The following GPC4 variants were observed in gnomAD, a reference collection of about 807,000 sequenced individuals.
GPC4 encodes glypican 4, also known as glypican-4.
A neutral mutation model predicts 35.0 loss-of-function variants in GPC4; 10 were observed. The observed-to-expected ratio is 0.29, with a 90% CI of 0.18 to 0.48. GPC4 has a LOEUF of 0.48. Among genes scored for constraint, GPC4 ranks in the 20% least tolerant of loss-of-function variants. GPC4 has a pLI of 0.99. For synonymous variants in GPC4, 167 were observed against 170.2 expected (o/e 0.98, Z 0.15); for missense variants, 322 against 451.3 (o/e 0.71, Z 2.60).
chrX:133,377,415 G>A (rs1017566878), intron 1 of GPC4, among the ~76,000 whole-genome samples: 3 of 111,689 alleles, frequency 2.7e-5, no homozygotes, highest in Non-Finnish European at 5.6e-5. Flanking sequence ...CCAAATTATT[G>A]TCCCATTACA....
chrX:133,344,575 T>C (rs1467835923), intron 1 of GPC4, among the ~76,000 whole-genome samples: 3 of 110,855 alleles, frequency 2.7e-5, no homozygotes, highest in Non-Finnish European at 3.8e-5. Flanking sequence ...TCTCAGAAAA[T>C]ACATTTAGAA....
rs2068268204 is a variant in GPC4 at position 133,301,847 on chromosome X, G to T, written c.*1020C>A. On this transcript the variant is annotated 3_prime_UTR_variant, in exon 9 of 9. Coordinates refer to ENST00000370828, the MANE Select transcript of GPC4 (RefSeq NM_001448.3). ...TTCCCTGAGCCCAGGCTGTACCCCA[G>T]TTCTGGCTAGCTCTCAGACAGCTCC... is the stretch of plus-strand genomic sequence containing the variant. 1 of 112,044 alleles carries T rather than the reference G, an allele frequency of 8.9e-6. No individual in the cohort carries two copies. The highest frequency in any genetic ancestry group is 3.2e-5 in the African/African-American group (1 of 30,807). The allele number at this position is 112,044 out of a possible 1,213,427, so 9.2% of individuals were successfully genotyped here. A position where few individuals can be genotyped will look rare whatever the true frequency, so the allele number is the denominator to read the frequency against.
intron 1 of GPC4, among the ~76,000 whole-genome samples, chrX:133,381,639 G>A (rs535152384): frequency 1.8e-5 from 2 of 112,580 alleles, no homozygotes; most frequent in African/African-American, 3.2e-5. Context: ...CATGCCATAT[G>A]TATGGCAATA....
chrX:133,361,777 C>A lies in GPC4; in HGVS notation c.161-22436G>T, dbSNP rs1443997492. The stretch of plus-strand genomic sequence containing the variant: ...GAACACAAAACTGCATAAATTGTAT[C>A]GTTCATTTTCCTGTAAATTAGAGTG... On this transcript the variant is annotated intron_variant, in intron 1 of 8. Coordinates refer to ENST00000370828, the MANE Select transcript of GPC4 (RefSeq NM_001448.3). Among the ~76,000 whole-genome samples the A allele has an allele frequency of 6.3e-5, 7 of 111,615 alleles. 2 individuals carry two copies. In the Admixed American group the frequency reaches 6.7e-4, roughly 11 times the overall value.
chrX:133,393,403 T>A (rs17000447), intron 1 of GPC4, among the ~76,000 whole-genome samples: 1,155 of 110,319 alleles, frequency 0.01, 9 homozygotes, highest in African/African-American at 0.036. Flanking sequence ...TTTCTGGGAA[T>A]GTTGCTGAAC....
chrX:133,357,363 G>A lies in GPC4; in HGVS notation c.161-18022C>T, dbSNP rs1336234777. Among the ~76,000 whole-genome samples the A allele has an allele frequency of 3.0e-5, 3 of 100,786 alleles. No homozygotes were observed. In the East Asian group the frequency reaches 9.6e-4, roughly 32 times the overall value. The allele number at this position is 100,786 out of a possible 115,157, so 87.5% of individuals were successfully genotyped here. A position where few individuals can be genotyped will look rare whatever the true frequency, so the allele number is the denominator to read the frequency against. ...AGCACCACTGCACTCCAGCCTGGGTGACAGAGGAAGACTCTCTCAAAAAAA... is the reference window on the plus strand; with the variant it reads ...AGCACCACTGCACTCCAGCCTGGGTAACAGAGGAAGACTCTCTCAAAAAAA... On this transcript the variant is annotated intron_variant, in intron 1 of 8. Transcript: ENST00000370828.
intron 1 of GPC4, among the ~76,000 whole-genome samples, chrX:133,383,046 T>A (rs2068670617): frequency 8.9e-6 from 1 of 111,830 alleles, no homozygotes; most frequent in African/African-American, 3.2e-5. Flanking sequence ...ACTACTCTCC[T>A]TGGTATTTAT....
intron 3 of GPC4, among the ~76,000 whole-genome samples, chrX:133,314,094 G>T (rs1231816870): frequency 8.9e-6 from 1 of 112,006 alleles, no homozygotes; most frequent in Non-Finnish European, 1.9e-5. Context: ...GATTATTCTG[G>T]AATGCATTTG....
At chrX:133,333,695 T>A (rs2266802) in intron 2 of GPC4, among the ~76,000 whole-genome samples, 47,768 of 111,893 alleles carry the variant, frequency 0.43, 9,336 homozygotes, top group African/African-American at 0.78. Flanking sequence ...ACTGGCATAA[T>A]CTGGAAGAAA....
At chrX:133,378,797 T>C (rs1289844950) in intron 1 of GPC4, among the ~76,000 whole-genome samples, 1 of 111,018 alleles carries the variant, frequency 9.0e-6, no homozygotes, top group Middle Eastern at 4.2e-3. Flanking sequence ...ACACATGTTC[T>C]TTCACCAAGC....
intron 4 of GPC4, among the ~76,000 whole-genome samples, chrX:133,310,868 T>A (rs952988579): frequency 9.0e-6 from 1 of 111,483 alleles, no homozygotes; most frequent in Admixed American, 9.6e-5. Context: ...GGCTCATGCC[T>A]ATAATCCCAG....
intron 1 of GPC4, among the ~76,000 whole-genome samples, chrX:133,411,408 G>A (rs1400043164): frequency 8.9e-6 from 1 of 111,937 alleles, no homozygotes; most frequent in Non-Finnish European, 1.9e-5. Flanking sequence ...TCTTTATGGA[G>A]GGAGGCATAA....
chrX:133,339,164 T>C lies in GPC4; in HGVS notation c.319+19A>G, dbSNP rs201753374. On this transcript the variant is annotated intron_variant, in intron 2 of 8. Transcript: ENST00000370828. ...ACAGACCTAACTGCCGGTTCTTACA[T>C]ATGACTTGAATAACATACCATCAAA... is the stretch of plus-strand genomic sequence containing the variant. 4 of 1,208,941 alleles carry C rather than the reference T, an allele frequency of 3.3e-6. No individual in the cohort carries two copies. The highest frequency in any genetic ancestry group is 2.2e-6 in the Non-Finnish European group (2 of 893,628).
intron 2 of GPC4, among the ~76,000 whole-genome samples, chrX:133,327,621 C>T (rs971195862): frequency 7.4e-5 from 7 of 94,535 alleles, no homozygotes; most frequent in Admixed American, 1.2e-4. Context: ...CCATGACTCA[C>T]ATTCTGTCCA....
At chrX:133,394,278 AT>A (rs1259524373) in intron 1 of GPC4, among the ~76,000 whole-genome samples, 3 of 109,131 alleles carry the variant, frequency 2.7e-5, no homozygotes, top group African/African-American at 3.3e-5. Flanking sequence ...TCAAAAAAAA[AT>A]ATATATATAT....
At position 133,410,576 on chromosome X, in the gene GPC4, T is replaced by C. The variant is rs1168663102; in HGVS notation, c.160+4230A>G. Among the ~76,000 whole-genome samples, 9 of 112,118 alleles carry C rather than the reference T, an allele frequency of 8.0e-5. No homozygotes were observed. The East Asian group carries it at 1.4e-3, about 17-fold the overall frequency. ...CTCAGTGCTAAAACAGTTAATGTCA[T>C]TGGGGAGCCAGAGAGACTCACTTCC... On this transcript the variant is annotated intron_variant, in intron 1 of 8. Coordinates refer to ENST00000370828, the MANE Select transcript of GPC4 (RefSeq NM_001448.3).
intron 1 of GPC4, among the ~76,000 whole-genome samples, chrX:133,350,153 A>G (rs2068510835): frequency 9.0e-6 from 1 of 111,216 alleles, no homozygotes; most frequent in Admixed American, 9.6e-5. Context: ...TCTCCAAAAG[A>G]TATTTCTCCA....
At chrX:133,411,538 T>C (rs1406188802) in intron 1 of GPC4, among the ~76,000 whole-genome samples, 1 of 111,653 alleles carries the variant, frequency 9.0e-6, no homozygotes, top group African/African-American at 3.3e-5. Flanking sequence ...CTCTTTGAAA[T>C]GCCTGGGCAC....
rs778547920 is a variant in GPC4, at chrX:133,311,279, A to C, written c.856T>G (p.Phe286Val). 9 of 1,209,956 alleles carry C rather than the reference A, an allele frequency of 7.4e-6. No homozygotes were observed. In the African/African-American group the frequency reaches 1.4e-4, roughly 19 times the overall value. Residue 286 changes from phenylalanine (F) to valine (V), a missense_variant, in exon 4 of 9, where the codon TTT becomes GTT. Transcript: ENST00000370828. ...TCACCTATGAAATTGTTCCATTCAA[A>C]ATCGAGATCCCCTTGGTTGGCCAAA... is the stretch of plus-strand genomic sequence containing the variant. ...GCLANQGDLD[F>V]EWNNFIDAML... is the part of the protein sequence containing the mutation.
Sources: allele counts gnomAD v4.1 joint callset (sites outside exome capture counted in the v4.1 genomes callset), GRCh38; gene constraint gnomAD v4.1.1; transcripts MANE v1.5; gene names NCBI Gene and HGNC (gene_info 2026-07-23, HGNC 2026-07-21).